SAMD5: variants seen among roughly 807,000 people sequenced by gnomAD.
The protein encoded by SAMD5 is sterile alpha motif domain containing 5, also known as sterile alpha motif domain-containing protein 5.
Under a neutral mutation model 11.3 loss-of-function variants are expected in SAMD5, and 13 were observed. The observed-to-expected ratio is 1.15, with a 90% CI of 0.75 to 1.83. The LOEUF is 1.83. SAMD5 is among the 40% of genes most tolerant of loss of function. The pLI, the probability that SAMD5 is intolerant of heterozygous loss-of-function variation, is 0.00. For missense variants in SAMD5, 255 were observed against 239.1 expected (o/e 1.07, Z -0.44); for synonymous variants, 129 against 111.3 (o/e 1.16, Z -1.00).
In SAMD5 at chr6:147,687,280, T is replaced by C. The variant is rs1461062966; in HGVS notation, c.163-50037T>C. 1.2e-4 allele frequency among the ~76,000 whole-genome samples: 17 copies of C among 143,658 alleles called. No homozygotes were observed. In the East Asian group the frequency reaches 3.2e-3, roughly 27 times the overall value. 94.2% of individuals were successfully genotyped at this position (143,658 alleles called of 152,430 possible). On this transcript the variant is annotated intron_variant, in intron 1 of 1. Transcript: ENST00000566741. ...CCTTCCTTTCCTCTCCTCCTTCTTT[T>C]TTTTTTTTTTTTTTTTTTAGGTTAT... is the stretch of plus-strand genomic sequence containing the variant.
At chr6:147,931,797 G>A in the SAMD5 span, among the ~76,000 whole-genome samples, 1 of 152,138 alleles carries the variant, frequency 6.6e-6, no homozygotes, top group Non-Finnish European at 1.5e-5. Flanking sequence ...AAAGCCTGTG[G>A]CAATCAGAGG....
the SAMD5 span, among the ~76,000 whole-genome samples, chr6:147,899,367 GT>G: frequency 6.6e-6 from 1 of 152,000 alleles, no homozygotes; most frequent in Non-Finnish European, 1.5e-5. Context: ...AATTGTCAAG[GT>G]CTCAAACTGC....
chr6:147,535,137 T>C (rs527544412), intron 1 of SAMD5, among the ~76,000 whole-genome samples: 85 of 152,276 alleles, frequency 5.6e-4, no homozygotes, highest in African/African-American at 2.0e-3. Flanking sequence ...AGACAGGAAA[T>C]GGCCATTGAT....
intron 1 of SAMD5, among the ~76,000 whole-genome samples, chr6:147,549,474 T>C (rs533184998): frequency 1.3e-5 from 2 of 152,206 alleles, no homozygotes; most frequent in Non-Finnish European, 2.9e-5. Context: ...TGGAAGGTGA[T>C]GGATAAATGT....
At chr6:147,584,477 G>A (rs1221581188) in intron 1 of SAMD5, among the ~76,000 whole-genome samples, 1 of 152,192 alleles carries the variant, frequency 6.6e-6, no homozygotes, top group Non-Finnish European at 1.5e-5. Context: ...TTAGCCTGCA[G>A]CTGGCTCAGC....
At chr6:147,561,735 C>T (rs1788954013) in intron 1 of SAMD5, among the ~76,000 whole-genome samples, 1 of 152,262 alleles carries the variant, frequency 6.6e-6, no homozygotes, top group East Asian at 1.9e-4. Context: ...TTACCTCCTT[C>T]AAGCTTGTCA....
chr6:147,887,262 C>T, the SAMD5 span, among the ~76,000 whole-genome samples: 1 of 152,186 alleles, frequency 6.6e-6, no homozygotes, highest in East Asian at 1.9e-4. Context: ...ACTGTGAAGC[C>T]ACCAAAATGA....
the SAMD5 span, among the ~76,000 whole-genome samples, chr6:147,846,996 G>T: frequency 6.6e-6 from 1 of 152,092 alleles, no homozygotes; most frequent in Non-Finnish European, 1.5e-5. Context: ...TGAACTACTT[G>T]GTTGGTAGAT....
chr6:147,789,595 G>A, the SAMD5 span, among the ~76,000 whole-genome samples: 1 of 152,062 alleles, frequency 6.6e-6, no homozygotes. Context: ...CACATTTATT[G>A]TAATTAATGA....
At chr6:147,638,872 A>G (rs1339823757) in intron 1 of SAMD5, among the ~76,000 whole-genome samples, 1 of 152,236 alleles carries the variant, frequency 6.6e-6, no homozygotes, top group Non-Finnish European at 1.5e-5. Context: ...AAAAAATTTA[A>G]CAATACATTT....
At chr6:147,915,863 T>C in the SAMD5 span, among the ~76,000 whole-genome samples, 2 of 151,964 alleles carry the variant, frequency 1.3e-5, no homozygotes. Context: ...TAACTCGTTA[T>C]TTACATTAGG....
chr6:147,922,299 A>C, the SAMD5 span, among the ~76,000 whole-genome samples: 5 of 152,166 alleles, frequency 3.3e-5, no homozygotes, highest in Non-Finnish European at 7.3e-5. Context: ...TATCTGGTAC[A>C]TTCTAGTACT....
At chr6:147,897,840 G>T in the SAMD5 span, among the ~76,000 whole-genome samples, 1 of 151,196 alleles carries the variant, frequency 6.6e-6, no homozygotes, top group African/African-American at 2.4e-5. Context: ...AGCTACTCGG[G>T]AGGCTGAGGC....
rs906040294 is a variant in SAMD5, at chr6:147,540,947, T to A, written c.460-23447T>A. The stretch of plus-strand genomic sequence containing the variant: ...TCAAGCCACGCGTTTTTTTTTTTTT[T>A]TTTTTTTTTTTTTGAGAAGGAGTCT... On this transcript the variant is annotated intron_variant, in intron 1 of 1. Coordinates refer to ENST00000367474, the MANE Select transcript of SAMD5 (RefSeq NM_001030060.3). Among the ~76,000 whole-genome samples, 13 of 140,758 alleles carry A rather than the reference T, an allele frequency of 9.2e-5. No homozygotes were observed. The South Asian group carries it at 1.5e-3, about 16-fold the overall frequency. The allele number at this position is 140,758 out of a possible 152,430, so 92.3% of individuals were successfully genotyped here. A position where few individuals can be genotyped will look rare whatever the true frequency, so the allele number is the denominator to read the frequency against.
intron 1 of SAMD5, among the ~76,000 whole-genome samples, chr6:147,609,271 T>C (rs781090544): frequency 2.0e-5 from 3 of 152,134 alleles, no homozygotes; most frequent in Non-Finnish European, 4.4e-5. Flanking sequence ...CAGACCCACA[T>C]ACAGGGGGAG....
At chr6:147,734,661 C>G (rs1000472725) in intron 1 of SAMD5, among the ~76,000 whole-genome samples, 20 of 133,988 alleles carry the variant, frequency 1.5e-4, no homozygotes, top group Admixed American at 7.7e-4. Context: ...TGCAGTCAGC[C>G]GAGATCGTGC....
At chr6:147,767,798 G>T in the SAMD5 span, among the ~76,000 whole-genome samples, 1 of 152,140 alleles carries the variant, frequency 6.6e-6, no homozygotes, top group East Asian at 1.9e-4. Context: ...ATGCATGAGG[G>T]GTCATAACTA....
At chr6:147,720,853 C>T (rs1266600645) in intron 1 of SAMD5, among the ~76,000 whole-genome samples, 3 of 112,688 alleles carry the variant, frequency 2.7e-5, no homozygotes, top group African/African-American at 1.0e-4. Context: ...CCCCCCTCCC[C>T]CCACCCCACA....
chr6:147,748,130 G>T, the SAMD5 span, among the ~76,000 whole-genome samples: 1 of 152,156 alleles, frequency 6.6e-6, no homozygotes, highest in African/African-American at 2.4e-5. Flanking sequence ...CTTGGTAAGT[G>T]TTCAAAAATT....
Sources: allele counts gnomAD v4.1 joint callset (sites outside exome capture counted in the v4.1 genomes callset), GRCh38; gene constraint gnomAD v4.1.1; transcripts MANE v1.5; gene names NCBI Gene and HGNC (gene_info 2026-07-23, HGNC 2026-07-21).